The following SLC35F4 variants were observed in gnomAD, a reference collection of about 807,000 sequenced individuals.
SLC35F4 encodes the protein solute carrier family 35 member F4.
A neutral mutation model predicts 44.2 loss-of-function variants in SLC35F4; 24 were observed. That is an observed-to-expected ratio of 0.54 (90% CI 0.39 to 0.76). SLC35F4 has a LOEUF of 0.76. Ranked by LOEUF, SLC35F4 falls within the 30% of genes least tolerant of loss-of-function variation. SLC35F4 has a pLI of 0.00. For synonymous variants in SLC35F4, 238 were observed against 223.6 expected, an observed-to-expected ratio of 1.06 and a Z score of -0.57; for missense variants, 562 against 586.1, an observed-to-expected ratio of 0.96 and a Z score of 0.42.
chr14:57,618,977 C>A (rs1047438824), intron 1 of SLC35F4, among the ~76,000 whole-genome samples: 2 of 152,194 alleles, frequency 1.3e-5, no homozygotes, highest in Admixed American at 1.3e-4. Context: ...GCTGGGGCCA[C>A]ACTGCCTCTC....
At chr14:57,686,929 T>G (rs1384112445) in intron 1 of SLC35F4, among the ~76,000 whole-genome samples, 2 of 151,722 alleles carry the variant, frequency 1.3e-5, no homozygotes, top group African/African-American at 4.8e-5. Context: ...TGATAGTATT[T>G]AGAGATAAGG....
chr14:57,692,862 T>C (rs1404785555), intron 1 of SLC35F4, among the ~76,000 whole-genome samples: 2 of 152,140 alleles, frequency 1.3e-5, no homozygotes, highest in African/African-American at 4.8e-5. Context: ...TGCAAATCTC[T>C]ACCTACAGGT....
In SLC35F4 at chr14:57,606,003, A is replaced by G. The variant is rs529026821; in HGVS notation, c.104-11879T>C. 1.1e-4 allele frequency among the ~76,000 whole-genome samples: 16 copies of G among 152,228 alleles called. No homozygotes were observed. The East Asian group carries it at 1.4e-3, about 13-fold the overall frequency. On this transcript the variant is annotated intron_variant, in intron 1 of 7. Transcript: ENST00000556826. The stretch of plus-strand genomic sequence containing the variant: ...GGTGATAAGGTTGAAAAAACTACCT[A>G]TTGGGTACTATGCTCACTACCTGGG...
intron 1 of SLC35F4, among the ~76,000 whole-genome samples, chr14:57,773,886 C>A (rs988570605): frequency 2.0e-5 from 3 of 152,098 alleles, no homozygotes; most frequent in African/African-American, 4.8e-5. Flanking sequence ...GTATTAAATT[C>A]GTGCCACAAG....
intron 1 of SLC35F4, among the ~76,000 whole-genome samples, chr14:57,665,953 G>A (rs1283260104): frequency 6.6e-6 from 1 of 152,076 alleles, no homozygotes; most frequent in East Asian, 1.9e-4. Flanking sequence ...ACATAGAGGG[G>A]GAACAACACA....
intron 1 of SLC35F4, among the ~76,000 whole-genome samples, chr14:57,860,655 C>A: frequency 6.6e-6 from 1 of 152,148 alleles, no homozygotes; most frequent in East Asian, 1.9e-4. Context: ...AGAATACTCA[C>A]CCCAAAAATA....
chr14:57,754,095 A>G (rs937241606), intron 1 of SLC35F4, among the ~76,000 whole-genome samples: 6 of 144,544 alleles, frequency 4.2e-5, no homozygotes, highest in Admixed American at 2.1e-4. Context: ...GACTAACCCA[A>G]TGCTTTTTTT....
At chr14:57,861,621 C>T (rs973766675) in intron 1 of SLC35F4, among the ~76,000 whole-genome samples, 8 of 152,174 alleles carry the variant, frequency 5.3e-5, no homozygotes, top group Non-Finnish European at 1.5e-5. Context: ...CTTATGTGCT[C>T]TTGTCAACAT....
intron 1 of SLC35F4, among the ~76,000 whole-genome samples, chr14:57,950,588 T>C (rs1391063355): frequency 6.6e-6 from 1 of 152,094 alleles, no homozygotes; most frequent in Non-Finnish European, 1.5e-5. Flanking sequence ...GTTGGGGATG[T>C]TATAGGACTC....
In SLC35F4 at chr14:57,819,774, T is replaced by C. The variant is rs530146993; in HGVS notation, c.103+45949A>G. ...GGCACAGTGAGCCGAGATCGCCCCATTGCACTCCAGCCTGGGCAACAGAGC... is the reference window on the plus strand; with the variant it reads ...GGCACAGTGAGCCGAGATCGCCCCACTGCACTCCAGCCTGGGCAACAGAGC... On this transcript the variant is annotated intron_variant, in intron 1 of 7. Transcript: ENST00000556826. Among the ~76,000 whole-genome samples, 5 of 150,296 alleles carry C rather than the reference T, an allele frequency of 3.3e-5. No individual in the cohort carries two copies. The South Asian group carries it at 8.4e-4, about 25-fold the overall frequency.
intron 1 of SLC35F4, among the ~76,000 whole-genome samples, chr14:57,627,525 A>G (rs1245272591): frequency 6.6e-6 from 1 of 152,156 alleles, no homozygotes; most frequent in African/African-American, 2.4e-5. Flanking sequence ...AAAAAGAAGC[A>G]TTATTTAGCT....
chr14:57,789,524 A>T (rs527618286), intron 1 of SLC35F4, among the ~76,000 whole-genome samples: 173 of 152,334 alleles, frequency 1.1e-3, no homozygotes, highest in African/African-American at 4.1e-3. Flanking sequence ...AACCAAAAAA[A>T]GCCCCGGACC....
upstream of SLC35F4, among the ~76,000 whole-genome samples, chr14:57,867,349 A>G (rs756335187): frequency 6.6e-6 from 1 of 152,202 alleles, no homozygotes; most frequent in African/African-American, 2.4e-5. Flanking sequence ...AAATTTTACA[A>G]TATGTTTTGG....
intron 1 of SLC35F4, among the ~76,000 whole-genome samples, chr14:57,751,021 A>G (rs1388876906): frequency 6.6e-6 from 1 of 152,184 alleles, no homozygotes; most frequent in Non-Finnish European, 1.5e-5. Context: ...CACGTTACTT[A>G]CAGCATCAGC....
chr14:57,583,331 G>C (rs556345595), intron 3 of SLC35F4, among the ~76,000 whole-genome samples: 20 of 150,178 alleles, frequency 1.3e-4, no homozygotes, highest in Admixed American at 1.3e-3. Flanking sequence ...CTGGAGTTGA[G>C]AGTCGTGGGT....
intron 1 of SLC35F4, among the ~76,000 whole-genome samples, chr14:57,892,950 A>C (rs1888801448): frequency 6.6e-6 from 1 of 152,232 alleles, no homozygotes; most frequent in African/African-American, 2.4e-5. Flanking sequence ...AGTAGCTCTT[A>C]TTATAGGTTA....
intron 1 of SLC35F4, among the ~76,000 whole-genome samples, chr14:57,707,404 G>C (rs2075703858): frequency 1.3e-5 from 2 of 152,110 alleles, no homozygotes; most frequent in Non-Finnish European, 2.9e-5. Context: ...CATGAGATCT[G>C]ATCGTTTTAA....
At chr14:57,972,272 G>C (rs924294125), downstream of SLC35F4, among the ~76,000 whole-genome samples, 2 of 152,194 alleles carry the variant, frequency 1.3e-5, no homozygotes, top group African/African-American at 2.4e-5. Context: ...TTTAGCTGGG[G>C]AGTGGTATTT....
rs199785589 is a variant in SLC35F4, at chr14:57,578,325, G to GTTTTTTTTTTTTTTTTTTTTTTTTTTT, written c.807+2862_807+2888dup. On this transcript the variant is annotated intron_variant, in intron 4 of 7. Transcript: ENST00000556826. ...GATGACTGAAAGCATCCCTTTAACTGTTTTTTTTTTTTTTTTTTTTTTTTT... is the reference window on the plus strand; with the variant it reads ...GATGACTGAAAGCATCCCTTTAACTGTTTTTTTTTTTTTTTTTTTTTTTTTTTTTTTTTTTTTTTTTTTTTTTTTTTT... Among the ~76,000 whole-genome samples the GTTTTTTTTTTTTTTTTTTTTTTTTTTT allele has an allele frequency of 2.6e-4, 11 of 43,116 alleles. 4 individuals are homozygous for GTTTTTTTTTTTTTTTTTTTTTTTTTTT. The highest frequency in any genetic ancestry group is 4.1e-4 in the Non-Finnish European group (9 of 21,762). The allele number at this position is 43,116 out of a possible 152,430, so 28.3% of individuals were successfully genotyped here.
Sources: gnomAD v4.1 joint callset for allele counts (sites outside exome capture counted in the v4.1 genomes callset) on GRCh38, gnomAD v4.1.1 for gene constraint, MANE v1.5 for transcripts, NCBI Gene and HGNC (gene_info 2026-07-23, HGNC 2026-07-21) for gene names.